The following CIB4 variants were observed in gnomAD, a reference collection of about 807,000 sequenced individuals.
CIB4 encodes the protein calcium and integrin-binding family member 4.
Under a neutral mutation model 25.8 loss-of-function variants are expected in CIB4, and 25 were observed. The ratio of observed to expected loss-of-function variants is 0.97; its 90% CI spans 0.71 to 1.35. The LOEUF (loss-of-function observed/expected upper bound fraction) is 1.35. CIB4 is among the 40% of genes most tolerant of loss of function. The probability of loss-of-function intolerance (pLI) is 0.00; values close to 1 mark genes in which losing one functional copy is unlikely to be tolerated. For missense variants in CIB4, 235 were observed against 228.2 expected, an observed-to-expected ratio of 1.03 and a Z score of -0.19; for synonymous variants, 75 against 81.4, an observed-to-expected ratio of 0.92 and a Z score of 0.42.
At chr2:26,625,181 T>G (rs1669276278) in intron 3 of CIB4, among the ~76,000 whole-genome samples, 1 of 152,114 alleles carries the variant, frequency 6.6e-6, no homozygotes, top group South Asian at 2.1e-4. Flanking sequence ...AATCTCTTTT[T>G]GAGACCGAAG....
intron 3 of CIB4, among the ~76,000 whole-genome samples, chr2:26,618,170 G>C (rs1281879852): frequency 1.3e-5 from 2 of 152,146 alleles, no homozygotes; most frequent in East Asian, 3.9e-4. Context: ...CTCATCTCAG[G>C]TGGACAGGCA....
chr2:26,621,263 A>AAC (rs1457899675), intron 3 of CIB4, among the ~76,000 whole-genome samples: 1 of 151,648 alleles, frequency 6.6e-6, no homozygotes, highest in African/African-American at 2.4e-5. Flanking sequence ...AAAAAAAAAA[A>AAC]AAAAAAAACA....
At chr2:26,598,201 G>C (rs1275693271) in intron 3 of CIB4, among the ~76,000 whole-genome samples, 1 of 151,828 alleles carries the variant, frequency 6.6e-6, no homozygotes, top group African/African-American at 2.4e-5. Flanking sequence ...TCGAGAGACT[G>C]AGGCAGGAGC....
chr2:26,619,254 G>A (rs1156306978), intron 3 of CIB4, among the ~76,000 whole-genome samples: 1 of 152,156 alleles, frequency 6.6e-6, no homozygotes, highest in African/African-American at 2.4e-5. Context: ...CCCTCCCCGG[G>A]GGGTGAGGGA....
chr2:26,582,075 A>C (rs541111677), intron 6 of CIB4, among the ~76,000 whole-genome samples: 1 of 152,352 alleles, frequency 6.6e-6, no homozygotes, highest in South Asian at 2.1e-4. Flanking sequence ...AGAGGGACCC[A>C]GCAGCCCCGG....
chr2:26,618,266 C>A (rs1043490945), intron 3 of CIB4, among the ~76,000 whole-genome samples: 6 of 152,174 alleles, frequency 3.9e-5, no homozygotes, highest in Non-Finnish European at 8.8e-5. Context: ...CAGCCCAGGT[C>A]TCTGCAAGAA....
At chr2:26,590,290 A>T (rs1374543261) in intron 4 of CIB4, among the ~76,000 whole-genome samples, 1 of 147,992 alleles carries the variant, frequency 6.8e-6, no homozygotes, top group African/African-American at 2.5e-5. Context: ...AAAAACTCAC[A>T]GGTGATTCAA....
intron 3 of CIB4, among the ~76,000 whole-genome samples, chr2:26,600,517 G>T (rs1243490961): frequency 6.6e-6 from 1 of 152,152 alleles, no homozygotes; most frequent in Non-Finnish European, 1.5e-5. Context: ...GTAGATGAAG[G>T]TGTCTGTTAG....
intron 3 of CIB4, among the ~76,000 whole-genome samples, chr2:26,600,366 T>C (rs1275934): frequency 0.81 from 122,752 of 152,110 alleles, 51,128 homozygotes; most frequent in East Asian, 1. Context: ...ATCGTGCCAC[T>C]GCACTCCAGC....
intron 2 of CIB4, among the ~76,000 whole-genome samples, chr2:26,634,387 A>C (rs1447624841): frequency 6.6e-6 from 1 of 152,148 alleles, no homozygotes; most frequent in African/African-American, 2.4e-5. Context: ...GCTTGAGGAA[A>C]TTACTTCATT....
At chr2:26,606,034 C>A (rs188095222) in intron 3 of CIB4, among the ~76,000 whole-genome samples, 255 of 152,272 alleles carry the variant, frequency 1.7e-3, no homozygotes, top group Middle Eastern at 0.01. Context: ...AGGCCAAGGG[C>A]AGGGGGGAGG....
intron 3 of CIB4, among the ~76,000 whole-genome samples, chr2:26,609,551 T>C (rs62129477): frequency 0.089 from 13,537 of 152,026 alleles, 681 homozygotes; most frequent in South Asian, 0.13. Flanking sequence ...AGAAGGAAGA[T>C]GTAGGAGCCC....
intron 3 of CIB4, among the ~76,000 whole-genome samples, chr2:26,615,853 A>C (rs190629187): frequency 9.8e-5 from 15 of 152,354 alleles, no homozygotes; most frequent in Non-Finnish European, 2.1e-4. Flanking sequence ...ATGTCTAAAT[A>C]AGGATTTTTG....
intron 3 of CIB4, among the ~76,000 whole-genome samples, chr2:26,606,283 C>T (rs986897572): frequency 6.6e-6 from 1 of 152,200 alleles, no homozygotes; most frequent in Admixed American, 6.5e-5. Context: ...GTATCTCAAT[C>T]AAGCGCACGC....
intron 3 of CIB4, 82 bp downstream of exon 3, chr2:26,629,328 A>G: frequency 1.1e-6 from 1 of 874,294 alleles, no homozygotes; most frequent in East Asian, 2.7e-5. Context: ...TGCCCACCTC[A>G]CCCCACCCCT....
At chr2:26,589,118 T>C (rs1668533108) in intron 4 of CIB4, among the ~76,000 whole-genome samples, 1 of 127,248 alleles carries the variant, frequency 7.9e-6, no homozygotes, top group African/African-American at 3.7e-5. Context: ...CTCTTCTTCT[T>C]CTTCTTCTTC....
intron 2 of CIB4, among the ~76,000 whole-genome samples, chr2:26,630,664 C>T (rs907884388): frequency 2.0e-5 from 3 of 152,108 alleles, no homozygotes; most frequent in Non-Finnish European, 2.9e-5. Context: ...AGGCGTCGAG[C>T]AAGGTTCTGA....
At chr2:26,590,262 A>AAAAAAAAAAAAAAAAAAAAC (rs1668561376) in intron 4 of CIB4, among the ~76,000 whole-genome samples, 1 of 146,390 alleles carries the variant, frequency 6.8e-6, no homozygotes, top group Admixed American at 6.8e-5. Context: ...CATCTGTAAA[A>AAAAAAAAAAAAAAAAAAAAC]AAAAAAAAAA....
At chr2:26,639,474 AT>A (rs960413259) in intron 2 of CIB4, among the ~76,000 whole-genome samples, 73 of 150,034 alleles carry the variant, frequency 4.9e-4, no homozygotes, top group Admixed American at 7.3e-4. Flanking sequence ...GCCAGGTAGC[AT>A]TTTTTTTTAG....
Sources: gnomAD v4.1 joint callset for allele counts (sites outside exome capture counted in the v4.1 genomes callset) on GRCh38, gnomAD v4.1.1 for gene constraint, MANE v1.5 for transcripts, NCBI Gene and HGNC (gene_info 2026-07-23, HGNC 2026-07-21) for gene names.